Variants in AUTS2 observed in about 807,000 individuals in gnomAD.
The protein encoded by AUTS2 is autism susceptibility gene 2 protein.
A neutral mutation model predicts 112.4 loss-of-function variants in AUTS2; 17 were observed. The ratio of observed to expected loss-of-function variants is 0.15; its 90% confidence interval spans 0.10 to 0.23. The LOEUF (loss-of-function observed/expected upper bound fraction) is 0.23, where lower values mean the gene tolerates loss of function less well. AUTS2 is among the 10% of genes least tolerant of loss of function. AUTS2 has a pLI of 1.00. For synonymous variants in AUTS2, 751 were observed against 702.7 expected (o/e 1.07, Z -1.09); for missense variants, 1,510 against 1,701.6 (o/e 0.89, Z 1.98).
At chr7:69,853,108 C>T (rs141016209) in intron 1 of AUTS2, among the ~76,000 whole-genome samples, 3 of 152,162 alleles carry the variant, frequency 2.0e-5, no homozygotes, top group East Asian at 1.9e-4. Flanking sequence ...GTGGCTTATG[C>T]TTTGTTAAGT....
intron 12 of AUTS2, chr7:70,775,152 G>A (rs1585669309): frequency 1.7e-6 from 1 of 592,064 alleles, no homozygotes; most frequent in Admixed American, 3.1e-5. Flanking sequence ...CAGCGTAGAT[G>A]TACCAAGGCT....
chr7:70,301,695 T>C (rs1315435786), intron 4 of AUTS2, among the ~76,000 whole-genome samples: 3 of 150,998 alleles, frequency 2.0e-5, no homozygotes, highest in Admixed American at 1.3e-4. Context: ...AATTTCATAA[T>C]GGATGCTATT....
chr7:70,707,400 G>A (rs538013400), intron 6 of AUTS2, among the ~76,000 whole-genome samples: 5 of 152,090 alleles, frequency 3.3e-5, no homozygotes, highest in Non-Finnish European at 5.9e-5. Flanking sequence ...GGTGGAGCTC[G>A]GTCCAGCTGA....
intron 5 of AUTS2, among the ~76,000 whole-genome samples, chr7:70,578,986 G>T (rs1216478029): frequency 6.8e-6 from 1 of 148,046 alleles, no homozygotes; most frequent in African/African-American, 2.5e-5. Context: ...TGGTGCAGTG[G>T]TGCGATCATG....
At chr7:70,428,961 T>C (rs1795540396) in intron 4 of AUTS2, among the ~76,000 whole-genome samples, 1 of 152,244 alleles carries the variant, frequency 6.6e-6, no homozygotes, top group South Asian at 2.1e-4. Flanking sequence ...AAATATTTGC[T>C]TTTGAATAAA....
chr7:70,024,232 C>T (rs1800411480), intron 2 of AUTS2, among the ~76,000 whole-genome samples: 1 of 152,222 alleles, frequency 6.6e-6, no homozygotes, highest in African/African-American at 2.4e-5. Flanking sequence ...ACTTAAAATG[C>T]AGTCCTAATT....
chr7:70,268,344 G>C (rs558774051), intron 4 of AUTS2, among the ~76,000 whole-genome samples: 1 of 152,266 alleles, frequency 6.6e-6, no homozygotes, highest in South Asian at 2.1e-4. Context: ...CCACATATCA[G>C]CCCATCTTTC....
At chr7:70,151,761 C>T (rs773511579) in intron 4 of AUTS2, among the ~76,000 whole-genome samples, 2 of 151,972 alleles carry the variant, frequency 1.3e-5, no homozygotes, top group South Asian at 2.1e-4. Flanking sequence ...CCTCCCAGCA[C>T]GTTTAAAATG....
chr7:70,252,238 A>G (rs1434508508), intron 4 of AUTS2, among the ~76,000 whole-genome samples: 1 of 152,194 alleles, frequency 6.6e-6, no homozygotes, highest in East Asian at 1.9e-4. Context: ...ATTAAGTTAC[A>G]TTCCCATGAA....
chr7:70,469,312 G>A (rs1324639973), intron 5 of AUTS2, among the ~76,000 whole-genome samples: 2 of 152,176 alleles, frequency 1.3e-5, no homozygotes, highest in African/African-American at 4.8e-5. Flanking sequence ...AGGTGTGAGG[G>A]GGGTGCTATT....
chr7:69,978,898 A>ACACACACACG, intron 2 of AUTS2, among the ~76,000 whole-genome samples: 1 of 141,848 alleles, frequency 7.0e-6, no homozygotes, highest in Admixed American at 7.0e-5. Flanking sequence ...ACACACACAC[A>ACACACACACG]CACGCACACA....
intron 1 of AUTS2, among the ~76,000 whole-genome samples, chr7:69,836,627 G>A (rs740946): frequency 4.5e-4 from 68 of 152,014 alleles, no homozygotes; most frequent in Non-Finnish European, 7.6e-4. Flanking sequence ...CAGTTTATAC[G>A]CATTGAGGAG....
At chr7:70,158,409 C>A (rs1807896986) in intron 4 of AUTS2, among the ~76,000 whole-genome samples, 1 of 152,114 alleles carries the variant, frequency 6.6e-6, no homozygotes, top group Admixed American at 6.5e-5. Flanking sequence ...ATGTTTAGAA[C>A]ACAAAATTGA....
chr7:70,484,994 G>T (rs3113257), intron 5 of AUTS2, among the ~76,000 whole-genome samples: 12 of 152,210 alleles, frequency 7.9e-5, no homozygotes, highest in Admixed American at 6.5e-4. Flanking sequence ...AGATGTTGCC[G>T]TGGTTGTGGT....
At chr7:69,771,938 C>T (rs547876990) in intron 1 of AUTS2, among the ~76,000 whole-genome samples, 3 of 152,136 alleles carry the variant, frequency 2.0e-5, no homozygotes, top group African/African-American at 7.2e-5. Context: ...GCATGCACCA[C>T]CACGCCCAGG....
At chr7:70,641,887 TGTTG>T (rs1805850535) in intron 5 of AUTS2, among the ~76,000 whole-genome samples, 1 of 152,244 alleles carries the variant, frequency 6.6e-6, no homozygotes, top group South Asian at 2.1e-4. Flanking sequence ...CACATGTGTT[TGTTG>T]CTTCTCAATA....
chr7:70,691,799 T>C (rs1232952407), intron 5 of AUTS2, among the ~76,000 whole-genome samples: 3 of 151,192 alleles, frequency 2.0e-5, no homozygotes, highest in African/African-American at 7.3e-5. Context: ...TGAGAGATCA[T>C]CAAAAGATCT....
At chr7:70,042,076 T>C (rs575243273) in intron 2 of AUTS2, among the ~76,000 whole-genome samples, 12 of 152,282 alleles carry the variant, frequency 7.9e-5, no homozygotes, top group Admixed American at 3.9e-4. Context: ...ATTCATTTCA[T>C]TGTGTGTGTT....
intron 2 of AUTS2, among the ~76,000 whole-genome samples, chr7:69,921,690 GA>G (rs1387792050): frequency 7.0e-5 from 10 of 142,490 alleles, no homozygotes; most frequent in African/African-American, 2.6e-4. Context: ...AGAATTGCTT[GA>G]ACCCAGGAGG....
Sources: allele counts gnomAD v4.1 joint callset (sites outside exome capture counted in the v4.1 genomes callset), GRCh38; gene constraint gnomAD v4.1.1; transcripts MANE v1.5; gene names NCBI Gene and HGNC (gene_info 2026-07-23, HGNC 2026-07-21).